PRMT3: variants seen among roughly 807,000 people sequenced by gnomAD.
PRMT3 encodes protein arginine methyltransferase 3.
A neutral mutation model predicts 71.9 loss-of-function variants in PRMT3; 62 were observed. The ratio of observed to expected loss-of-function variants is 0.86; its 90% CI spans 0.70 to 1.07. The LOEUF is 1.07. Ranked by LOEUF, PRMT3 falls within the 50% of genes least tolerant of loss-of-function variation. PRMT3 has a pLI of 0.00. For missense variants in PRMT3, 663 were observed against 643.0 expected (o/e 1.03, Z -0.34); for synonymous variants, 213 against 220.4 (o/e 0.97, Z 0.30).
chr11:20,417,690 A>G (rs1169961366), intron 9 of PRMT3, among the ~76,000 whole-genome samples: 2 of 152,050 alleles, frequency 1.3e-5, no homozygotes, highest in Non-Finnish European at 2.9e-5. Context: ...ATATCCCCCA[A>G]CTATGTCACT....
chr11:20,456,372 A>G (rs781105717), intron 11 of PRMT3, among the ~76,000 whole-genome samples: 9 of 152,180 alleles, frequency 5.9e-5, no homozygotes, highest in Non-Finnish European at 1.0e-4. Context: ...TTTTACATTT[A>G]TGTCTATGAT....
chr11:20,436,925 T>C (rs1392439489), intron 10 of PRMT3, among the ~76,000 whole-genome samples: 1 of 152,162 alleles, frequency 6.6e-6, no homozygotes, highest in Non-Finnish European at 1.5e-5. Flanking sequence ...TTTTCTTTGA[T>C]AGACTTTTTA....
At chr11:20,488,723 G>T (rs1851138009) in intron 13 of PRMT3, among the ~76,000 whole-genome samples, 1 of 152,094 alleles carries the variant, frequency 6.6e-6, no homozygotes, top group Non-Finnish European at 1.5e-5. Flanking sequence ...TTCATTGGTT[G>T]CCATCCTATT....
At chr11:20,433,986 ACACT>A (rs1173202673) in intron 10 of PRMT3, among the ~76,000 whole-genome samples, 2 of 152,104 alleles carry the variant, frequency 1.3e-5, no homozygotes. Flanking sequence ...GACCTAATTG[ACACT>A]CAGACAGTGT....
At chr11:20,389,548 A>G (rs1328612148) in intron 2 of PRMT3, among the ~76,000 whole-genome samples, 196 bp from the exon 3 acceptor site, 2 of 152,136 alleles carry the variant, frequency 1.3e-5, no homozygotes, top group Non-Finnish European at 2.9e-5. Context: ...ATAAAATGGG[A>G]CTCAGAAGTA....
intron 13 of PRMT3, among the ~76,000 whole-genome samples, chr11:20,468,891 C>T (rs1850577515): frequency 6.6e-6 from 1 of 152,172 alleles, no homozygotes; most frequent in Admixed American, 6.5e-5. Context: ...ACCAAATACA[C>T]ACATCCCCAT....
chr11:20,436,174 T>C (rs1849755620), intron 10 of PRMT3, among the ~76,000 whole-genome samples: 1 of 152,252 alleles, frequency 6.6e-6, no homozygotes, highest in South Asian at 2.1e-4. Context: ...ATCATTCAGC[T>C]TTATTGAATG....
At chr11:20,417,532 A>G (rs547484533) in intron 9 of PRMT3, among the ~76,000 whole-genome samples, 1 of 152,330 alleles carries the variant, frequency 6.6e-6, no homozygotes, top group East Asian at 1.9e-4. Context: ...TTCTTAGAAC[A>G]TAGACCGTAT....
chr11:20,444,119 A>G (rs924990538), intron 10 of PRMT3, among the ~76,000 whole-genome samples: 3 of 152,212 alleles, frequency 2.0e-5, no homozygotes, highest in South Asian at 2.1e-4. Flanking sequence ...GTAAAATTCT[A>G]TTGTCATTTT....
rs556760259 is a variant in PRMT3, at chr11:20,506,823, A to G, written c.1487-1481A>G. ...ATCAACTACAACTTAGCAATTTGTT[A>G]CTTTTTAAACAGCTCTTTAAAATAA... On this transcript the variant is annotated intron_variant, in intron 15 of 15. Coordinates refer to ENST00000331079, the MANE Select transcript of PRMT3 (RefSeq NM_005788.4). 8.5e-4 allele frequency among the ~76,000 whole-genome samples: 129 copies of G among 152,334 alleles called. 1 individual carries two copies. The highest frequency in any genetic ancestry group is 3.0e-3 in the African/African-American group (124 of 41,586).
intron 9 of PRMT3, among the ~76,000 whole-genome samples, chr11:20,416,794 C>T (rs1849315231): frequency 6.6e-6 from 1 of 152,114 alleles, no homozygotes; most frequent in Non-Finnish European, 1.5e-5. Context: ...GTTATGGTTC[C>T]AGGTCTATGC....
chr11:20,481,262 T>TAAAA (rs11451315), intron 13 of PRMT3, among the ~76,000 whole-genome samples: 2 of 147,250 alleles, frequency 1.4e-5, no homozygotes, highest in Non-Finnish European at 3.0e-5. Context: ...AGCATTCAGG[T>TAAAA]AAAAAAAAAA....
rs1398284478 is a variant in PRMT3, at chr11:20,402,920, A to G, written c.707A>G (p.Asp236Gly). The change falls in exon 8 of 16, where the codon GAC becomes GGC. Residue 236 changes from aspartate (D) to glycine (G), a missense_variant and splice_region_variant. Transcript: ENST00000331079. ...AGCGTTTTCCTCTCTCCACCCTAGG[A>G]CAAAATACGAACAGAAAGCTACCGA... ...HYGIHEEMLK[D>G]KIRTESYRDF... 6.2e-7 allele frequency: 1 copy of G among 1,607,474 alleles called. No individual in the cohort carries two copies. The highest frequency in any genetic ancestry group is 8.5e-7 in the Non-Finnish European group (1 of 1,174,226).
At chr11:20,393,126 A>G in intron 5 of PRMT3, 127 bp downstream of exon 5, 3 of 667,286 alleles carry the variant, frequency 4.5e-6, no homozygotes, top group Non-Finnish European at 7.8e-6. Flanking sequence ...TCAGGTAGTT[A>G]GTTTCAGTAG....
chr11:20,458,801 A>G (rs1249748610), intron 11 of PRMT3, among the ~76,000 whole-genome samples: 1 of 152,208 alleles, frequency 6.6e-6, no homozygotes, highest in African/African-American at 2.4e-5. Flanking sequence ...AAGACAAATA[A>G]TTTGAAAAAT....
intron 15 of PRMT3, among the ~76,000 whole-genome samples, 154 bp from the exon 16 acceptor site, chr11:20,508,148 TTA>T (rs1851637838): frequency 1.4e-4 from 3 of 22,184 alleles, no homozygotes; most frequent in African/African-American, 3.4e-4. Context: ...AGACTCCATC[TTA>T]AAAAAAAAAA....
At chr11:20,491,159 T>A (rs531224352) in intron 13 of PRMT3, among the ~76,000 whole-genome samples, 1 of 152,352 alleles carries the variant, frequency 6.6e-6, no homozygotes, top group Non-Finnish European at 1.5e-5. Flanking sequence ...TCAGTTATTA[T>A]AATTTTCAAT....
intron 3 of PRMT3, 151 bp downstream of exon 3, chr11:20,389,977 C>G (rs1369520899): frequency 3.6e-6 from 2 of 559,014 alleles, no homozygotes; most frequent in African/African-American, 3.8e-5. Context: ...CATGCTGAAA[C>G]CCCACCTGTA....
intron 13 of PRMT3, among the ~76,000 whole-genome samples, chr11:20,489,575 G>A (rs1419138568): frequency 6.6e-6 from 1 of 152,076 alleles, no homozygotes; most frequent in East Asian, 1.9e-4. Context: ...GCCTGTCAAA[G>A]TGATGGTAGC....
Sources: allele counts gnomAD v4.1 joint callset (sites outside exome capture counted in the v4.1 genomes callset), GRCh38; gene constraint gnomAD v4.1.1; transcripts MANE v1.5; gene names NCBI Gene and HGNC (gene_info 2026-07-23, HGNC 2026-07-21).